ARHGEF10L: variants seen among roughly 807,000 people sequenced by gnomAD.
ARHGEF10L encodes the protein rho guanine nucleotide exchange factor 10-like protein.
ARHGEF10L carries 69 observed loss-of-function variants against 141.2 expected under a neutral mutation model. The ratio of observed to expected loss-of-function variants is 0.49; its 90% CI spans 0.40 to 0.60. The LOEUF (loss-of-function observed/expected upper bound fraction) is 0.60, where lower values mean the gene tolerates loss of function less well. Among genes scored for constraint, ARHGEF10L ranks in the 20% least tolerant of loss-of-function variants. ARHGEF10L has a pLI of 0.00. For synonymous variants in ARHGEF10L, 711 were observed against 718.5 expected, an observed-to-expected ratio of 0.99 and a Z score of 0.17; for missense variants, 1,482 against 1,734.3, an observed-to-expected ratio of 0.85 and a Z score of 2.58.
intron 1 of ARHGEF10L, among the ~76,000 whole-genome samples, chr1:17,567,881 C>G (rs1460955099): frequency 1.3e-5 from 2 of 152,236 alleles, no homozygotes; most frequent in African/African-American, 4.8e-5. Context: ...TAAGGCAACT[C>G]TGGCCTTGCT....
At chr1:17,672,313 T>C (rs1204810307) in intron 26 of ARHGEF10L, among the ~76,000 whole-genome samples, 1 of 152,046 alleles carries the variant, frequency 6.6e-6, no homozygotes, top group East Asian at 1.9e-4. Flanking sequence ...AATGCATCAC[T>C]GGGCTGTATT....
intron 1 of ARHGEF10L, among the ~76,000 whole-genome samples, chr1:17,561,148 C>T (rs536581171): frequency 1.0e-3 from 158 of 152,304 alleles, no homozygotes; most frequent in African/African-American, 3.5e-3. Context: ...GCTCCCAGCA[C>T]GTAGTAGGTG....
intron 21 of ARHGEF10L, among the ~76,000 whole-genome samples, chr1:17,642,506 A>G (rs1286679236): frequency 6.6e-6 from 1 of 152,014 alleles, no homozygotes; most frequent in Admixed American, 6.5e-5. Flanking sequence ...TCTGATTTTC[A>G]TTTAAGTGGG....
chr1:17,657,519 C>T (rs542960908), intron 25 of ARHGEF10L, among the ~76,000 whole-genome samples: 2 of 152,188 alleles, frequency 1.3e-5, no homozygotes, highest in Non-Finnish European at 2.9e-5. Flanking sequence ...CCCGCAGCGT[C>T]TCTTCTCCCC....
At chr1:17,598,999 C>T (rs1294526218) in intron 4 of ARHGEF10L, among the ~76,000 whole-genome samples, 62 of 152,042 alleles carry the variant, frequency 4.1e-4, no homozygotes, top group Admixed American at 4.1e-3. Context: ...CTCAGTTTCC[C>T]CACCTGTAGA....
intron 22 of ARHGEF10L, among the ~76,000 whole-genome samples, chr1:17,649,114 C>T (rs2061764483): frequency 6.6e-6 from 1 of 152,230 alleles, no homozygotes; most frequent in Admixed American, 6.5e-5. Flanking sequence ...GCTGTGCCCC[C>T]TGGTTCTTTC....
At chr1:17,624,916 G>T (rs1301082545) in intron 13 of ARHGEF10L, among the ~76,000 whole-genome samples, 1 of 152,206 alleles carries the variant, frequency 6.6e-6, no homozygotes, top group Non-Finnish European at 1.5e-5. Flanking sequence ...CATTGCTTGG[G>T]AGAGTAAAGG....
intron 11 of ARHGEF10L, among the ~76,000 whole-genome samples, chr1:17,622,413 A>G (rs753717329): frequency 6.6e-6 from 1 of 152,070 alleles, no homozygotes; most frequent in Non-Finnish European, 1.5e-5. Flanking sequence ...AGTGACTAGT[A>G]TGTGCCAACC....
chr1:17,576,501 A>G (rs192049334), intron 1 of ARHGEF10L, among the ~76,000 whole-genome samples: 2 of 152,176 alleles, frequency 1.3e-5, no homozygotes, highest in East Asian at 3.9e-4. Flanking sequence ...CATTCCACGC[A>G]GTAGCAGGAA....
intron 18 of ARHGEF10L, among the ~76,000 whole-genome samples, chr1:17,636,409 T>C (rs2061005329): frequency 6.6e-6 from 1 of 152,144 alleles, no homozygotes; most frequent in Admixed American, 6.5e-5. Flanking sequence ...AAATCACAAA[T>C]TGAATAAAAA....
At chr1:17,576,773 C>T (rs888346426) in intron 1 of ARHGEF10L, among the ~76,000 whole-genome samples, 1 of 152,194 alleles carries the variant, frequency 6.6e-6, no homozygotes, top group Non-Finnish European at 1.5e-5. Flanking sequence ...TCCCACCGCC[C>T]CAGTGAGAAA....
intron 27 of ARHGEF10L, chr1:17,691,055 C>T: frequency 2.3e-6 from 1 of 437,454 alleles, no homozygotes; most frequent in Non-Finnish European, 4.5e-6. Flanking sequence ...CCCCTTTCTT[C>T]CACTCGCATA....
chr1:17,514,222 G>T, the ARHGEF10L span, among the ~76,000 whole-genome samples: 5 of 128,184 alleles, frequency 3.9e-5, no homozygotes, highest in African/African-American at 1.5e-4. Flanking sequence ...CTGCAACCCC[G>T]CCTCTTGAGT....
At chr1:17,554,468 A>C (rs529881421) in intron 1 of ARHGEF10L, among the ~76,000 whole-genome samples, 1 of 151,684 alleles carries the variant, frequency 6.6e-6, no homozygotes, top group East Asian at 1.9e-4. Flanking sequence ...TCAGTCCCAG[A>C]GAGGGGCTGG....
chr1:17,515,975 G>A, the ARHGEF10L span, among the ~76,000 whole-genome samples: 4 of 152,330 alleles, frequency 2.6e-5, no homozygotes, highest in African/African-American at 7.2e-5. Flanking sequence ...CTCAGTTAAT[G>A]GTGAGCCCAG....
intron 1 of ARHGEF10L, among the ~76,000 whole-genome samples, chr1:17,569,810 C>G (rs1198322883): frequency 6.6e-6 from 1 of 152,246 alleles, no homozygotes; most frequent in Admixed American, 6.5e-5. Context: ...ATCCTGTCCC[C>G]TTTGCCGGCC....
At chr1:17,679,732 C>T (rs1196437288) in intron 26 of ARHGEF10L, among the ~76,000 whole-genome samples, 2 of 152,234 alleles carry the variant, frequency 1.3e-5, no homozygotes, top group South Asian at 2.1e-4. Context: ...GGTCTGAATT[C>T]GCAGCCCTGC....
At chr1:17,574,707 T>C (rs1047187702) in intron 1 of ARHGEF10L, among the ~76,000 whole-genome samples, 3 of 152,174 alleles carry the variant, frequency 2.0e-5, no homozygotes, top group Non-Finnish European at 2.9e-5. Context: ...TGTGTTTTCT[T>C]GAAGGCAGCT....
At chr1:17,649,310 A>G (rs1450483617) in intron 22 of ARHGEF10L, among the ~76,000 whole-genome samples, 1 of 152,198 alleles carries the variant, frequency 6.6e-6, no homozygotes, top group Admixed American at 6.5e-5. Context: ...GAGGATGTTC[A>G]GCCTTCACGG....
Sources: allele counts gnomAD v4.1 joint callset (sites outside exome capture counted in the v4.1 genomes callset), GRCh38; gene constraint gnomAD v4.1.1; transcripts MANE v1.5; gene names NCBI Gene and HGNC (gene_info 2026-07-23, HGNC 2026-07-21).